CREBBP: variants seen among roughly 807,000 people sequenced by gnomAD.
The protein encoded by CREBBP is CREB binding lysine acetyltransferase.
In CREBBP, 19 loss-of-function variants were observed where a neutral mutation model predicts 265.0. The ratio of observed to expected loss-of-function variants is 0.07; its 90% CI spans 0.05 to 0.11. The LOEUF (loss-of-function observed/expected upper bound fraction) is 0.11, where lower values mean the gene tolerates loss of function less well. CREBBP is among the 10% of genes least tolerant of loss of function. The pLI is 1.00. For missense variants in CREBBP, 2,525 were observed against 3,219.0 expected (o/e 0.78, Z 5.22); for synonymous variants, 1,457 against 1,223.7 (o/e 1.19, Z -3.98).
chr16:3,821,230 TGCTTGATTCACATAAAG>T (rs1312578561), intron 2 of CREBBP, among the ~76,000 whole-genome samples: 1 of 152,240 alleles, frequency 6.6e-6, no homozygotes, highest in South Asian at 2.1e-4. Context: ...AAACCATCAG[TGCTTGATTCACATAAAG>T]GCTACACTCC....
intron 1 of CREBBP, among the ~76,000 whole-genome samples, chr16:3,854,914 C>T (rs1273296495): frequency 6.6e-6 from 1 of 152,118 alleles, no homozygotes; most frequent in East Asian, 1.9e-4. Context: ...GAAGAAAAAC[C>T]GAGACTGAGA....
At chr16:3,795,494 C>T (rs935706084) in intron 3 of CREBBP, among the ~76,000 whole-genome samples, 1 of 152,158 alleles carries the variant, frequency 6.6e-6, no homozygotes, top group Non-Finnish European at 1.5e-5. Context: ...CTGCCCCATA[C>T]CACTAAACTG....
chr16:3,761,340 T>C (rs957963379), intron 16 of CREBBP, among the ~76,000 whole-genome samples: 10 of 152,172 alleles, frequency 6.6e-5, no homozygotes, highest in African/African-American at 2.2e-4. Context: ...AAAGTTCCAG[T>C]TGGGAAGCGG....
chr16:3,876,399 CAAAAAAAAAAAAAAA>C (rs71133663), intron 1 of CREBBP, among the ~76,000 whole-genome samples: 8 of 18,164 alleles, frequency 4.4e-4, no homozygotes, highest in East Asian at 1.9e-3. Flanking sequence ...TAAAGCTGAC[CAAAAAAAAAAAAAAA>C]AAAAAAAAAA....
intron 3 of CREBBP, among the ~76,000 whole-genome samples, chr16:3,803,527 A>C (rs905906731): frequency 1.3e-5 from 2 of 152,106 alleles, no homozygotes; most frequent in Non-Finnish European, 2.9e-5. Context: ...AACAAAAAAA[A>C]CAAAACATCT....
In CREBBP at chr16:3,850,320, C is replaced by G. The variant is rs750216784; in HGVS notation, c.775G>C (p.Ala259Pro). ...QMTGHAGLNT[A>P]QAGGMAKMGI... is the part of the protein sequence containing the mutation. ...ACCTTGGCCATGCCTCCTGCCTGTGCGGTGTTCAGTCCCGCGTGACCAGTC... is the reference window on the plus strand; with the variant it reads ...ACCTTGGCCATGCCTCCTGCCTGTGGGGTGTTCAGTCCCGCGTGACCAGTC... The change falls in exon 2 of 31, where the codon GCA (alanine) becomes CCA (proline). Residue 259 changes from alanine (A) to proline (P), a missense_variant. By Grantham distance (27) the Ala-to-Pro change is conservative. Around this residue, in one of 19 missense-constraint regions of CREBBP, gnomAD observed 356 missense variants for 340.4 expected, o/e 1.05. Coordinates refer to ENST00000262367, the MANE Select transcript of CREBBP (RefSeq NM_004380.3). The G allele has an allele frequency of 6.2e-7, 1 of 1,614,062 alleles. No homozygotes were observed. The highest frequency in any genetic ancestry group is 2.2e-5 in the East Asian group (1 of 44,892).
At chr16:3,741,193 C>G (rs770460383) in intron 23 of CREBBP, 12 of 166,554 alleles carry the variant, frequency 7.2e-5, no homozygotes, top group Admixed American at 1.6e-4. Flanking sequence ...GGAGGGCTAC[C>G]GTCACAGGAG....
In CREBBP at chr16:3,729,381, G is replaced by A. The variant is rs143180774; in HGVS notation, c.5666C>T (p.Pro1889Leu). Reference protein sequence around the residue: ...QQSLPSPTSAPPGTPTQQPST... With the variant: ...QQSLPSPTSALPGTPTQQPST... The stretch of plus-strand genomic sequence containing the variant: ...GGGCTGCTGTGTGGGGGTCCCGGGC[G>A]GTGCTGAGGTAGGAGAAGGCAGACT... The change falls in exon 31 of 31, where the codon CCG (proline) becomes CTG (leucine). Residue 1889 changes from proline (P) to leucine (L), a missense_variant. Physicochemically the swap from Pro to Leu is moderately conservative, Grantham distance 98. Transcript: ENST00000262367. 32 of 1,610,094 alleles carry A rather than the reference G, an allele frequency of 2.0e-5. No homozygotes were observed. The highest frequency in any genetic ancestry group is 9.3e-5 in the African/African-American group (7 of 74,890).
chr16:3,806,068 C>T (rs148905257), intron 3 of CREBBP, among the ~76,000 whole-genome samples: 5 of 152,254 alleles, frequency 3.3e-5, no homozygotes, highest in East Asian at 1.9e-4. Context: ...GCCAGTCACT[C>T]GGATGCAGGT....
intron 2 of CREBBP, among the ~76,000 whole-genome samples, chr16:3,846,906 T>TA (rs1434410369): frequency 6.6e-6 from 1 of 152,246 alleles, no homozygotes; most frequent in Non-Finnish European, 1.5e-5. Flanking sequence ...TTCTTACTCT[T>TA]AAGAGTATTT....
intron 1 of CREBBP, among the ~76,000 whole-genome samples, chr16:3,854,851 C>T (rs1456526171): frequency 6.6e-6 from 1 of 152,204 alleles, no homozygotes; most frequent in African/African-American, 2.4e-5. Flanking sequence ...TCCCACCTGT[C>T]TGTAAGGAAT....
chr16:3,792,197 A>C, intron 4 of CREBBP, 103 bp from the exon 5 acceptor site: 4 of 1,005,734 alleles, frequency 4.0e-6, no homozygotes, highest in Non-Finnish European at 6.2e-6. Context: ...AATGGTAACA[A>C]GTGTAACCAT....
chr16:3,852,157 GTTTTTTTTTT>G (rs910861282), intron 1 of CREBBP, among the ~76,000 whole-genome samples: 12 of 50,880 alleles, frequency 2.4e-4, no homozygotes, highest in South Asian at 1.4e-3. Flanking sequence ...TCTTAAATTT[GTTTTTTTTTT>G]TTTTTTTTTT....
chr16:3,728,024 G>A lies in CREBBP; in HGVS notation c.7023C>T (p.Asn2341=), dbSNP rs1395407807. The change falls in exon 31 of 31, where the codon AAC becomes AAT. Residue 2341 remains asparagine (N), a synonymous_variant. Transcript: ENST00000262367. This position sits in a 1 kb window ranked among gnomAD's most constrained non-coding sequence, Gnocchi z 8.7. ...GGACAGGGGCTGGAGACCGCACCTG[G>A]TTACTAAGGGACGTGGCGATCTGCT... ...PGQQIATSLS[N]QVRSPAPVQS... The A allele has an allele frequency of 1.6e-5, 26 of 1,611,548 alleles. No homozygotes were observed. The highest frequency in any genetic ancestry group is 2.2e-5 in the Non-Finnish European group (26 of 1,178,092).
At chr16:3,808,821 G>A (rs971455951) in intron 3 of CREBBP, among the ~76,000 whole-genome samples, 16 of 152,314 alleles carry the variant, frequency 1.1e-4, no homozygotes, top group Admixed American at 4.6e-4. Context: ...CCTGGTTACT[G>A]AGCAGGCATA....
intron 13 of CREBBP, among the ~76,000 whole-genome samples, chr16:3,773,185 C>G (rs1410371171): frequency 5.3e-5 from 8 of 151,902 alleles, no homozygotes; most frequent in African/African-American, 1.9e-4. Context: ...TATACAGTAG[C>G]AATGATACGC....
intron 1 of CREBBP, among the ~76,000 whole-genome samples, chr16:3,871,857 C>G (rs372062248): frequency 9.2e-5 from 14 of 152,228 alleles, no homozygotes; most frequent in African/African-American, 3.1e-4. Context: ...GAAAATATAC[C>G]TACTGTATAC....
At chr16:3,778,636 G>T in intron 9 of CREBBP, 64 bp downstream of exon 9, 1 of 1,293,410 alleles carries the variant, frequency 7.7e-7, no homozygotes, top group South Asian at 1.2e-5. Flanking sequence ...TAACAAAGCA[G>T]ACAAATGTAG....
chr16:3,813,938 C>G (rs954033575), intron 2 of CREBBP, among the ~76,000 whole-genome samples: 2 of 152,186 alleles, frequency 1.3e-5, no homozygotes, highest in African/African-American at 2.4e-5. Context: ...CACCAAATGC[C>G]CAGGCACCCT....
Sources: gnomAD v4.1 joint callset for allele counts (sites outside exome capture counted in the v4.1 genomes callset) on GRCh38, gnomAD v4.1.1 for gene constraint, gnomAD v4.1.1 regional missense constraint, Gnocchi (gnomAD v3.1) non-coding constraint, MANE v1.5 for transcripts, NCBI Gene and HGNC (gene_info 2026-07-23, HGNC 2026-07-21) for gene names.